The following VPS54 variants were observed in gnomAD, a reference collection of about 807,000 sequenced individuals.
VPS54 encodes the protein VPS54 subunit of GARP complex, also known as vacuolar protein sorting-associated protein 54.
A neutral mutation model predicts 121.5 loss-of-function variants in VPS54; 45 were observed. The observed-to-expected ratio is 0.37, with a 90% CI of 0.29 to 0.47. VPS54 has a LOEUF of 0.47. Ranked by LOEUF, VPS54 falls within the 20% of genes least tolerant of loss-of-function variation. The probability of loss-of-function intolerance (pLI) is 0.99; values close to 1 mark genes in which losing one functional copy is unlikely to be tolerated. For synonymous variants in VPS54, 371 were observed against 385.8 expected (o/e 0.96, Z 0.45); for missense variants, 1,090 against 1,131.4 (o/e 0.96, Z 0.52).
intron 2 of VPS54, among the ~76,000 whole-genome samples, chr2:63,982,193 ATC>A (rs869239478): frequency 6.8e-6 from 1 of 147,826 alleles, no homozygotes; most frequent in Non-Finnish European, 1.5e-5. Flanking sequence ...CAATTACTCT[ATC>A]TTTTTTTTTC....
At chr2:63,927,256 G>C (rs542558919) in intron 12 of VPS54, among the ~76,000 whole-genome samples, 1 of 152,276 alleles carries the variant, frequency 6.6e-6, no homozygotes, top group Admixed American at 6.5e-5. Context: ...CTCCCAGTAG[G>C]GGGCCGACAG....
At chr2:63,904,438 CAA>C (rs58651830) in intron 20 of VPS54, among the ~76,000 whole-genome samples, 41 of 19,916 alleles carry the variant, frequency 2.1e-3, no homozygotes, top group African/African-American at 8.2e-3. Context: ...GACTTGGTCT[CAA>C]AAAAAAAAAA....
intron 11 of VPS54, among the ~76,000 whole-genome samples, chr2:63,936,471 G>C (rs1674457476): frequency 6.6e-6 from 1 of 152,130 alleles, no homozygotes; most frequent in African/African-American, 2.4e-5. Flanking sequence ...TTCCAATCTT[G>C]AGAATGGAGT....
At chr2:63,905,854 C>G (rs1672884691) in intron 20 of VPS54, among the ~76,000 whole-genome samples, 1 of 152,132 alleles carries the variant, frequency 6.6e-6, no homozygotes, top group Non-Finnish European at 1.5e-5. Flanking sequence ...GAAGGTAATT[C>G]ACCTTGGCAA....
At chr2:63,921,758 C>T (rs1210132142) in intron 12 of VPS54, among the ~76,000 whole-genome samples, 3 of 152,138 alleles carry the variant, frequency 2.0e-5, no homozygotes, top group African/African-American at 4.8e-5. Flanking sequence ...CTAGGATTTA[C>T]AAGTGTGAGC....
chr2:63,997,890 C>T (rs916722720), intron 1 of VPS54, among the ~76,000 whole-genome samples: 9 of 151,898 alleles, frequency 5.9e-5, no homozygotes. Flanking sequence ...TTTGGTATGT[C>T]ATGTTTCCAT....
At position 63,990,222 on chromosome 2, in the gene VPS54, G is replaced by A. The variant is rs146884726; in HGVS notation, c.-20-6203C>T. On this transcript the variant is annotated intron_variant, in intron 1 of 22. Coordinates refer to ENST00000272322, the MANE Select transcript of VPS54 (RefSeq NM_016516.3). ...TTCAGCTACTCCTCCCCCACCTAAC[G>A]ATGCTGAAAATTCAATGTCTAACTC... 3.0e-3 allele frequency among the ~76,000 whole-genome samples: 456 copies of A among 152,140 alleles called. 1 individual carries two copies. The highest frequency in any genetic ancestry group is 0.014 in the Middle Eastern group (4 of 294).
At chr2:63,917,397 C>T (rs932446120) in intron 15 of VPS54, among the ~76,000 whole-genome samples, 7 of 151,996 alleles carry the variant, frequency 4.6e-5, no homozygotes, top group African/African-American at 1.7e-4. Flanking sequence ...GTTGTCTTTA[C>T]TATTATCATT....
At chr2:63,926,658 A>G (rs1027500940) in intron 12 of VPS54, among the ~76,000 whole-genome samples, 4 of 152,102 alleles carry the variant, frequency 2.6e-5, no homozygotes, top group Non-Finnish European at 5.9e-5. Context: ...CAGCCCATGG[A>G]GGGTGCGCTG....
At chr2:63,906,810 A>T (rs1199425877) in intron 20 of VPS54, among the ~76,000 whole-genome samples, 1 of 152,206 alleles carries the variant, frequency 6.6e-6, no homozygotes, top group Non-Finnish European at 1.5e-5. Flanking sequence ...CGCAATTTCA[A>T]TCAAAATCTG....
chr2:63,970,266 TATATATAGATATATATAG>T (rs1381346630), intron 4 of VPS54, among the ~76,000 whole-genome samples: 37 of 141,680 alleles, frequency 2.6e-4, no homozygotes, highest in African/African-American at 9.7e-4. Flanking sequence ...TATATATAGA[TATATATAGATATATATAG>T]ATATATATAG....
At position 63,976,222 on chromosome 2, in the gene VPS54, C is replaced by T. The variant is rs969051482; in HGVS notation, c.379-3978G>A. Reference sequence around the variant, plus strand: ...CCAGGCGTGGTGTTGTGGTGGTGCTCGCCTGCAGTCCCAGCTACTTGGGGG... The same window carrying T: ...CCAGGCGTGGTGTTGTGGTGGTGCTTGCCTGCAGTCCCAGCTACTTGGGGG... On this transcript the variant is annotated intron_variant, in intron 3 of 22. Transcript: ENST00000272322. 4.6e-5 allele frequency among the ~76,000 whole-genome samples: 7 copies of T among 151,698 alleles called. No individual in the cohort carries two copies. The East Asian group carries it at 7.8e-4, about 17-fold the overall frequency.
At chr2:63,962,731 C>A (rs919324879) in intron 6 of VPS54, among the ~76,000 whole-genome samples, 4 of 152,058 alleles carry the variant, frequency 2.6e-5, no homozygotes, top group Non-Finnish European at 5.9e-5. Flanking sequence ...AAGAGTACCC[C>A]ACAGACATCT....
At chr2:64,013,448 C>G (rs1389228245) in intron 1 of VPS54, among the ~76,000 whole-genome samples, 1 of 151,638 alleles carries the variant, frequency 6.6e-6, no homozygotes, top group Non-Finnish European at 1.5e-5. Context: ...TTGAATGAAT[C>G]CTGCATTTGA....
intron 1 of VPS54, among the ~76,000 whole-genome samples, chr2:64,010,809 A>C (rs1678392998): frequency 6.6e-6 from 1 of 152,226 alleles, no homozygotes; most frequent in Non-Finnish European, 1.5e-5. Flanking sequence ...AGAAATACTA[A>C]CATTGGGGCT....
chr2:63,925,590 C>A (rs912552167), intron 12 of VPS54, among the ~76,000 whole-genome samples: 2 of 152,038 alleles, frequency 1.3e-5, no homozygotes, highest in African/African-American at 4.8e-5. Flanking sequence ...TGAAAATAAC[C>A]CAAATCTTAT....
chr2:64,003,042 C>G (rs974173078), intron 1 of VPS54, among the ~76,000 whole-genome samples: 3 of 152,128 alleles, frequency 2.0e-5, no homozygotes, highest in African/African-American at 4.8e-5. Flanking sequence ...TACATGGCAT[C>G]TGAATCACAA....
At chr2:63,916,808 A>T in intron 16 of VPS54, 92 bp downstream of exon 16, 1 of 1,248,780 alleles carries the variant, frequency 8.0e-7, no homozygotes, top group Non-Finnish European at 1.2e-6. Flanking sequence ...TAAAACTGTT[A>T]ATCCAAAATT....
chr2:63,956,581 A>G (rs1428289818), intron 7 of VPS54, among the ~76,000 whole-genome samples: 2 of 152,182 alleles, frequency 1.3e-5, no homozygotes, highest in Non-Finnish European at 2.9e-5. Flanking sequence ...AAACAAATAT[A>G]TTAAAAAGCA....
Sources: allele counts gnomAD v4.1 joint callset (sites outside exome capture counted in the v4.1 genomes callset), GRCh38; gene constraint gnomAD v4.1.1; transcripts MANE v1.5; gene names NCBI Gene and HGNC (gene_info 2026-07-23, HGNC 2026-07-21).